Variants in ZNG1A observed in about 807,000 individuals in gnomAD.
ZNG1A encodes the protein Zn regulated GTPase metalloprotein activator 1A, also known as zinc-regulated GTPase metalloprotein activator 1A.
the ZNG1A span, among the ~76,000 whole-genome samples, chr9:140,422 G>A: frequency 4.0e-5 from 6 of 151,144 alleles, no homozygotes; most frequent in South Asian, 2.1e-4. Flanking sequence ...TCACACGGCC[G>A]GGTACTCCAA....
the ZNG1A span, chr9:172,198 C>A: frequency 6.2e-7 from 1 of 1,608,666 alleles, no homozygotes; most frequent in Non-Finnish European, 8.5e-7. Flanking sequence ...ACATAATTTA[C>A]AGTTAATTAC....
the ZNG1A span, among the ~76,000 whole-genome samples, chr9:154,983 T>A: frequency 6.6e-6 from 1 of 152,332 alleles, no homozygotes; most frequent in Non-Finnish European, 1.5e-5. Context: ...CCGCTAATTT[T>A]TCAATGTGGA....
chr9:121,331 T>C, the ZNG1A span: 1 of 772,200 alleles, frequency 1.3e-6, no homozygotes. Context: ...TGCTACATTT[T>C]ATGTATGCTG....
At chr9:161,398 G>T in the ZNG1A span, among the ~76,000 whole-genome samples, 1 of 150,944 alleles carries the variant, frequency 6.6e-6, no homozygotes. Context: ...AACCTGGGAG[G>T]TGGAGGTTGC....
the ZNG1A span, chr9:160,268 A>C: frequency 4.5e-6 from 2 of 441,330 alleles, no homozygotes; most frequent in Non-Finnish European, 9.1e-6. Context: ...TCTCAGCTTT[A>C]CTTGTGATGG....
At chr9:175,366 G>C in the ZNG1A span, among the ~76,000 whole-genome samples, 44 of 150,988 alleles carry the variant, frequency 2.9e-4, no homozygotes, top group African/African-American at 1.1e-3. Context: ...GACAGAGAGA[G>C]ACTCCATCTC....
chr9:172,366 A>G, the ZNG1A span: 4 of 589,182 alleles, frequency 6.8e-6, no homozygotes, highest in African/African-American at 5.6e-5. Context: ...ATGCATATAT[A>G]TAATAGGTAA....
chr9:174,092 A>T, the ZNG1A span, among the ~76,000 whole-genome samples: 1 of 148,942 alleles, frequency 6.7e-6, no homozygotes, highest in Non-Finnish European at 1.5e-5. Context: ...GGTTGCAGTG[A>T]CCCGAGACTG....
the ZNG1A span, among the ~76,000 whole-genome samples, chr9:123,915 G>C: frequency 3.1e-3 from 465 of 151,684 alleles, no homozygotes; most frequent in Non-Finnish European, 4.5e-3. Flanking sequence ...GGAAAATAAG[G>C]GTCAAAAAAA....
chr9:170,650 T>G, the ZNG1A span, among the ~76,000 whole-genome samples: 1 of 146,630 alleles, frequency 6.8e-6, no homozygotes, highest in Non-Finnish European at 1.5e-5. Context: ...CCTCCCAAAG[T>G]GCTGGGATTA....
At chr9:154,736 T>G in the ZNG1A span, 163 of 1,598,200 alleles carry the variant, frequency 1.0e-4, 1 homozygote, top group Non-Finnish European at 9.1e-5. Flanking sequence ...TTTCTTTACA[T>G]CTTCTTCTGG....
At chr9:142,638 A>G in the ZNG1A span, among the ~76,000 whole-genome samples, 13 of 99,344 alleles carry the variant, frequency 1.3e-4, no homozygotes, top group African/African-American at 5.3e-4. Flanking sequence ...AAGAACTAGA[A>G]AAGCAAGAGC....
the ZNG1A span, among the ~76,000 whole-genome samples, chr9:129,922 C>A: frequency 1.3e-5 from 2 of 150,232 alleles, no homozygotes; most frequent in African/African-American, 5.0e-5. Context: ...CTTACACAAA[C>A]CTAGATGGTA....
chr9:126,767 T>G, the ZNG1A span, among the ~76,000 whole-genome samples: 2 of 152,068 alleles, frequency 1.3e-5, no homozygotes, highest in African/African-American at 4.8e-5. Flanking sequence ...TCTAGTTCCT[T>G]GAGGTGTGAC....
chr9:175,199 G>A, the ZNG1A span, among the ~76,000 whole-genome samples: 1 of 152,112 alleles, frequency 6.6e-6, no homozygotes, highest in Admixed American at 6.5e-5. Context: ...CCAACATGGC[G>A]AAACCCTGTC....
At chr9:171,345 A>ATAATAAT in the ZNG1A span, among the ~76,000 whole-genome samples, 4 of 135,698 alleles carry the variant, frequency 2.9e-5, no homozygotes, top group African/African-American at 1.1e-4. Flanking sequence ...TCAAAAAAAA[A>ATAATAAT]AATAATGGTA....
At chr9:147,571 C>T in the ZNG1A span, 1 of 138,972 alleles carries the variant, frequency 7.2e-6, no homozygotes, top group Admixed American at 6.8e-5. Flanking sequence ...ACTATAACAG[C>T]AACTCAAATT....
At chr9:156,632 C>G in the ZNG1A span, 2 of 1,254,006 alleles carry the variant, frequency 1.6e-6, no homozygotes, top group Non-Finnish European at 1.1e-6. Context: ...CTAATAAAAA[C>G]TTCAACATGT....
chr9:177,832 C>T, the ZNG1A span: 5,070 of 1,097,192 alleles, frequency 4.6e-3, 142 homozygotes, highest in African/African-American at 0.076. Flanking sequence ...TGTGGGGAAA[C>T]GCCAAAAATA....
Sources: allele counts gnomAD v4.1 joint callset (sites outside exome capture counted in the v4.1 genomes callset), GRCh38; gene constraint gnomAD v4.1.1; transcripts MANE v1.5; gene names NCBI Gene and HGNC (gene_info 2026-07-23, HGNC 2026-07-21).